PLXNA4: variants seen among roughly 807,000 people sequenced by gnomAD.
The protein encoded by PLXNA4 is plexin A4.
In PLXNA4, 44 loss-of-function variants were observed where a neutral mutation model predicts 191.8. That is an observed-to-expected ratio of 0.23 (90% CI 0.18 to 0.29). The LOEUF (loss-of-function observed/expected upper bound fraction) is 0.29. Among genes scored for constraint, PLXNA4 ranks in the 10% least tolerant of loss-of-function variants. The pLI is 1.00. For missense variants in PLXNA4, 1,800 were observed against 2,488.8 expected (o/e 0.72, Z 5.89); for synonymous variants, 1,082 against 1,009.5 (o/e 1.07, Z -1.36).
intron 2 of PLXNA4, among the ~76,000 whole-genome samples, chr7:132,633,940 C>T (rs1238424857): frequency 2.6e-5 from 4 of 152,164 alleles, no homozygotes; most frequent in African/African-American, 9.7e-5. Context: ...ATCACACACA[C>T]ACACACGCAC....
chr7:132,394,589 G>A (rs1014083017), intron 3 of PLXNA4, among the ~76,000 whole-genome samples: 13 of 152,236 alleles, frequency 8.5e-5, no homozygotes, highest in African/African-American at 3.1e-4. Flanking sequence ...TTAACCTACT[G>A]TGTGATGTTG....
chr7:132,570,044 T>G (rs1186844529), intron 1 of PLXNA4, among the ~76,000 whole-genome samples: 1 of 152,228 alleles, frequency 6.6e-6, no homozygotes, highest in Non-Finnish European at 1.5e-5. Context: ...ACAGTTTATA[T>G]ACTTTTGTGA....
chr7:132,603,699 T>G (rs1052849320), intron 2 of PLXNA4, among the ~76,000 whole-genome samples: 1 of 152,196 alleles, frequency 6.6e-6, no homozygotes, highest in Non-Finnish European at 1.5e-5. Flanking sequence ...AGGGCCAACC[T>G]TAGGACTTGG....
intron 3 of PLXNA4, among the ~76,000 whole-genome samples, chr7:132,447,424 T>G (rs1795952432): frequency 6.6e-6 from 1 of 152,150 alleles, no homozygotes; most frequent in South Asian, 2.1e-4. Context: ...TCCTAAGTAC[T>G]GATGTTTTCA....
At chr7:132,492,389 C>T (rs1797843262) in intron 2 of PLXNA4, among the ~76,000 whole-genome samples, 1 of 152,196 alleles carries the variant, frequency 6.6e-6, no homozygotes, top group Non-Finnish European at 1.5e-5. Context: ...TGGCTGGTTA[C>T]ATCATTCACT....
intron 5 of PLXNA4, among the ~76,000 whole-genome samples, chr7:132,231,757 T>TG (rs1248902546): frequency 6.6e-6 from 1 of 152,162 alleles, no homozygotes; most frequent in Non-Finnish European, 1.5e-5. Context: ...GACTGGCCCT[T>TG]GGGGCAAATC....
chr7:132,585,627 A>T (rs1802493398), intron 2 of PLXNA4, among the ~76,000 whole-genome samples: 1 of 152,222 alleles, frequency 6.6e-6, no homozygotes, highest in Non-Finnish European at 1.5e-5. Flanking sequence ...GGTGGCTTTA[A>T]CAACAAATAT....
chr7:132,238,181 G>A (rs1272893223), intron 5 of PLXNA4, among the ~76,000 whole-genome samples: 25 of 152,140 alleles, frequency 1.6e-4, no homozygotes, highest in Admixed American at 1.6e-3. Flanking sequence ...TGGCAGTGAG[G>A]TCAAGCTTAA....
chr7:132,201,962 G>C (rs968531522), intron 12 of PLXNA4, among the ~76,000 whole-genome samples: 1 of 152,138 alleles, frequency 6.6e-6, no homozygotes, highest in African/African-American at 2.4e-5. Context: ...ATGTGAGAGG[G>C]ACGCTCAGGC....
intron 3 of PLXNA4, chr7:132,384,466 C>T: frequency 1.0e-6 from 1 of 985,694 alleles, no homozygotes; most frequent in African/African-American, 1.7e-5. Flanking sequence ...GGATAGTGGC[C>T]ATGCAGGAGA....
At chr7:132,164,816 AGCAGAGAAATAATGG>A (rs372105673) in intron 23 of PLXNA4, among the ~76,000 whole-genome samples, 1,814 of 152,366 alleles carry the variant, frequency 0.012, 35 homozygotes, top group African/African-American at 0.038. Flanking sequence ...GAAGAGGAAA[AGCAGAGAAATAATGG>A]GCAAATTGTT....
chr7:132,578,529 T>G (rs1802339849), upstream of PLXNA4, among the ~76,000 whole-genome samples: 1 of 152,224 alleles, frequency 6.6e-6, no homozygotes, highest in Admixed American at 6.5e-5. Flanking sequence ...AGGGGTTATA[T>G]TCTCACAGAA....
intron 2 of PLXNA4, among the ~76,000 whole-genome samples, chr7:132,605,649 C>A (rs1470897634): frequency 2.0e-5 from 3 of 151,150 alleles, no homozygotes; most frequent in Non-Finnish European, 2.9e-5. Context: ...CCACCCCTCA[C>A]ATGCACAAAA....
intron 2 of PLXNA4, among the ~76,000 whole-genome samples, chr7:132,588,012 G>A (rs1003616276): frequency 6.6e-6 from 1 of 151,456 alleles, no homozygotes; most frequent in African/African-American, 2.4e-5. Context: ...TTCTCTAGGT[G>A]GTCTCTCCCT....
intron 3 of PLXNA4, among the ~76,000 whole-genome samples, chr7:132,465,995 G>A (rs1056349286): frequency 1.3e-5 from 2 of 152,138 alleles, no homozygotes; most frequent in Admixed American, 1.3e-4. Context: ...ACTGTGCCAG[G>A]TACCCACGCA....
chr7:132,303,436 G>T (rs1801390064), intron 3 of PLXNA4, among the ~76,000 whole-genome samples: 1 of 151,876 alleles, frequency 6.6e-6, no homozygotes, highest in South Asian at 2.1e-4. Flanking sequence ...GGGCGTGGCG[G>T]TGGGCGCCTG....
Position 132,299,666 on chromosome 7 carries a change from C to T in PLXNA4, c.1372-1444G>A, listed in dbSNP as rs148623070. Among the ~76,000 whole-genome samples the T allele has an allele frequency of 7.0e-3, 1,066 of 152,282 alleles. 13 individuals carry two copies. The highest frequency in any genetic ancestry group is 0.024 in the African/African-American group (986 of 41,556). On this transcript the variant is annotated intron_variant, in intron 3 of 31. Coordinates refer to ENST00000321063, the MANE Select transcript of PLXNA4 (RefSeq NM_020911.2). ...CTGTGGGTTTAATGTTCATTCATCACGGCTCATGTGTCCCTCCAGCATCCA... is the reference window on the plus strand; with the variant it reads ...CTGTGGGTTTAATGTTCATTCATCATGGCTCATGTGTCCCTCCAGCATCCA...
intron 3 of PLXNA4, among the ~76,000 whole-genome samples, chr7:132,359,326 T>C (rs1406053661): frequency 6.6e-6 from 1 of 151,532 alleles, no homozygotes; most frequent in East Asian, 1.9e-4. Context: ...AGTCAAGCAG[T>C]TCTCCTGCCT....
intron 4 of PLXNA4, among the ~76,000 whole-genome samples, chr7:132,289,431 T>G (rs1800802524): frequency 1.3e-5 from 2 of 152,238 alleles, no homozygotes; most frequent in Non-Finnish European, 2.9e-5. Flanking sequence ...AGCATAGGGA[T>G]ATGTCACTGT....
Sources: allele counts gnomAD v4.1 joint callset (sites outside exome capture counted in the v4.1 genomes callset), GRCh38; gene constraint gnomAD v4.1.1; transcripts MANE v1.5; gene names NCBI Gene and HGNC (gene_info 2026-07-23, HGNC 2026-07-21).